CSTPP1: variants seen among roughly 807,000 people sequenced by gnomAD.
CSTPP1 encodes UPF0705 protein C11orf49.
the CSTPP1 span, chr11:46,948,182 AAAG>A: frequency 4.4e-6 from 2 of 455,972 alleles, no homozygotes; most frequent in Non-Finnish European, 8.8e-6. Context: ...GGCAACACAC[AAAG>A]AAGTTCAGCC....
At chr11:47,058,070 A>C in the CSTPP1 span, among the ~76,000 whole-genome samples, 1 of 152,194 alleles carries the variant, frequency 6.6e-6, no homozygotes, top group African/African-American at 2.4e-5. Context: ...ATGGTGGCTC[A>C]TGCCTACAAT....
chr11:47,043,471 T>C, the CSTPP1 span, among the ~76,000 whole-genome samples: 1 of 152,126 alleles, frequency 6.6e-6, no homozygotes, highest in Non-Finnish European at 1.5e-5. Flanking sequence ...AGTGACAATC[T>C]GTATGATATC....
the CSTPP1 span, chr11:47,052,359 C>T: frequency 6.3e-7 from 1 of 1,599,180 alleles, no homozygotes; most frequent in African/African-American, 1.3e-5. Flanking sequence ...TTCCATCTAA[C>T]AATGACTTCT....
At chr11:46,995,724 G>A in the CSTPP1 span, among the ~76,000 whole-genome samples, 11 of 152,204 alleles carry the variant, frequency 7.2e-5, no homozygotes, top group African/African-American at 1.7e-4. Context: ...GAATAAGTGC[G>A]ATGTGGTGCT....
At chr11:46,937,414 C>T in the CSTPP1 span, among the ~76,000 whole-genome samples, 1 of 152,074 alleles carries the variant, frequency 6.6e-6, no homozygotes, top group Admixed American at 6.6e-5. Flanking sequence ...TTGCCCACTC[C>T]AACAGAACTT....
chr11:46,980,581 AG>A, the CSTPP1 span, among the ~76,000 whole-genome samples: 1 of 152,174 alleles, frequency 6.6e-6, no homozygotes, highest in Non-Finnish European at 1.5e-5. Context: ...CACTTGGAGT[AG>A]AGAAGGCCTT....
At chr11:47,080,675 G>A in the CSTPP1 span, among the ~76,000 whole-genome samples, 1 of 151,910 alleles carries the variant, frequency 6.6e-6, no homozygotes, top group African/African-American at 2.4e-5. Context: ...CTTCAGCAAG[G>A]TAGATGGACA....
At chr11:47,098,665 C>A in the CSTPP1 span, among the ~76,000 whole-genome samples, 2 of 152,060 alleles carry the variant, frequency 1.3e-5, no homozygotes, top group Non-Finnish European at 2.9e-5. Context: ...GCTACCACAG[C>A]TAATTTTTGT....
chr11:47,000,792 G>A, the CSTPP1 span, among the ~76,000 whole-genome samples: 1 of 152,128 alleles, frequency 6.6e-6, no homozygotes, highest in African/African-American at 2.4e-5. Context: ...GCAAACTGAT[G>A]GGGATGAGAA....
chr11:46,946,544 G>C, the CSTPP1 span, among the ~76,000 whole-genome samples: 1 of 152,346 alleles, frequency 6.6e-6, no homozygotes, highest in Admixed American at 6.5e-5. Context: ...TGTAGTCCCA[G>C]CTACTCGCGA....
At chr11:46,936,736 A>C in the CSTPP1 span, 1 of 1,593,440 alleles carries the variant, frequency 6.3e-7, no homozygotes, top group Non-Finnish European at 8.5e-7. Context: ...TGCCATGGCA[A>C]CGGAGAGAGA....
the CSTPP1 span, among the ~76,000 whole-genome samples, chr11:47,125,749 G>A: frequency 6.6e-6 from 1 of 152,206 alleles, no homozygotes; most frequent in Non-Finnish European, 1.5e-5. Flanking sequence ...AGGAGCAGTG[G>A]CTCACGCCTG....
chr11:47,156,907 G>T, the CSTPP1 span: 7 of 1,032,422 alleles, frequency 6.8e-6, no homozygotes, highest in Non-Finnish European at 9.8e-6. Context: ...CATGCCCTGA[G>T]CACTGAGGCT....
the CSTPP1 span, among the ~76,000 whole-genome samples, chr11:47,011,198 C>CA: frequency 4.1e-4 from 62 of 151,750 alleles, no homozygotes; most frequent in African/African-American, 1.4e-3. Context: ...AACTTTTTAT[C>CA]AAAAAAAACT....
At chr11:47,156,722 G>C in the CSTPP1 span, among the ~76,000 whole-genome samples, 1 of 152,078 alleles carries the variant, frequency 6.6e-6, no homozygotes, top group Admixed American at 6.5e-5. Flanking sequence ...CTCCTCACTG[G>C]CTAAGTGCCA....
At chr11:47,113,624 G>A in the CSTPP1 span, among the ~76,000 whole-genome samples, 13 of 152,302 alleles carry the variant, frequency 8.5e-5, no homozygotes, top group East Asian at 1.9e-3. Context: ...TTTTTCACAT[G>A]TCTGTTGGCT....
the CSTPP1 span, among the ~76,000 whole-genome samples, chr11:46,960,876 T>G: frequency 2.0e-5 from 3 of 152,130 alleles, no homozygotes; most frequent in African/African-American, 7.2e-5. Flanking sequence ...AAAAAAAGAT[T>G]CATCAATTGT....
the CSTPP1 span, among the ~76,000 whole-genome samples, chr11:47,153,010 T>G: frequency 6.6e-6 from 1 of 152,218 alleles, no homozygotes; most frequent in Non-Finnish European, 1.5e-5. Flanking sequence ...GAGGTGCTGG[T>G]GGCCCTTGCT....
chr11:47,038,878 C>T, the CSTPP1 span, among the ~76,000 whole-genome samples: 8 of 122,276 alleles, frequency 6.5e-5, 2 homozygotes, highest in Non-Finnish European at 1.6e-4. Context: ...GGCGGCTGGG[C>T]AGAGACGCTC....
Sources: allele counts gnomAD v4.1 joint callset (sites outside exome capture counted in the v4.1 genomes callset), GRCh38; gene constraint gnomAD v4.1.1; transcripts MANE v1.5; gene names NCBI Gene and HGNC (gene_info 2026-07-23, HGNC 2026-07-21).